Variants in DNAI4 observed in about 807,000 individuals in gnomAD.
DNAI4 encodes dynein axonemal intermediate chain 4.
In DNAI4, 85 loss-of-function variants were observed where a neutral mutation model predicts 105.8. That is an observed-to-expected ratio of 0.80 (90% CI 0.67 to 0.96). The LOEUF (loss-of-function observed/expected upper bound fraction) is 0.96. Among genes scored for constraint, DNAI4 ranks in the 40% least tolerant of loss-of-function variants. The pLI, the probability that DNAI4 is intolerant of heterozygous loss-of-function variation, is 0.00. For synonymous variants in DNAI4, 352 were observed against 331.5 expected (o/e 1.06, Z -0.67); for missense variants, 1,014 against 1,005.6 (o/e 1.01, Z -0.11).
intron 1 of DNAI4, among the ~76,000 whole-genome samples, chr1:66,913,814 C>T (rs1649847380): frequency 6.6e-6 from 1 of 151,962 alleles, no homozygotes; most frequent in South Asian, 2.1e-4. Flanking sequence ...AACCCCATCT[C>T]TACTAAAAAT....
chr1:66,822,933 GT>G (rs1645663685), intron 15 of DNAI4, among the ~76,000 whole-genome samples: 1 of 151,794 alleles, frequency 6.6e-6, no homozygotes, highest in Non-Finnish European at 1.5e-5. Flanking sequence ...TATATTTTAA[GT>G]TTTAGGGTAC....
At chr1:66,872,285 G>A (rs1478050348) in intron 5 of DNAI4, among the ~76,000 whole-genome samples, 1 of 151,816 alleles carries the variant, frequency 6.6e-6, no homozygotes, top group Admixed American at 6.6e-5. Context: ...CTGGAGTGCA[G>A]TGGCGTGACC....
At chr1:66,835,521 C>T (rs1473763310) in intron 11 of DNAI4, 105 bp downstream of exon 11, 1 of 1,169,824 alleles carries the variant, frequency 8.5e-7, no homozygotes, top group African/African-American at 1.5e-5. Flanking sequence ...ATAATGGTAT[C>T]ACTCTCAGTA....
At chr1:66,894,552 TA>T (rs987065125) in intron 2 of DNAI4, among the ~76,000 whole-genome samples, 2 of 151,940 alleles carry the variant, frequency 1.3e-5, no homozygotes, top group South Asian at 2.1e-4. Flanking sequence ...GACATCTCCT[TA>T]AAAAAAACAT....
chr1:66,865,081 A>T (rs1646704565), intron 6 of DNAI4, among the ~76,000 whole-genome samples: 1 of 152,200 alleles, frequency 6.6e-6, no homozygotes, highest in Non-Finnish European at 1.5e-5. Context: ...GTTTTTAAAT[A>T]ATGAAAGTTT....
At chr1:66,873,152 TCTTCTC>T (rs1367630545) in intron 5 of DNAI4, among the ~76,000 whole-genome samples, 8 of 151,802 alleles carry the variant, frequency 5.3e-5, no homozygotes, top group Non-Finnish European at 7.4e-5. Flanking sequence ...CTGAGGGAAT[TCTTCTC>T]CTTCTCCTTC....
intron 1 of DNAI4, among the ~76,000 whole-genome samples, chr1:66,923,712 G>A (rs1232589158): frequency 6.6e-6 from 1 of 152,174 alleles, no homozygotes; most frequent in Non-Finnish European, 1.5e-5. Flanking sequence ...GAGAATGCAA[G>A]GTTCTCTCCC....
chr1:66,840,855 T>C (rs890719899), intron 8 of DNAI4, among the ~76,000 whole-genome samples, 184 bp from the exon 9 acceptor site: 13 of 152,220 alleles, frequency 8.5e-5, no homozygotes, highest in Non-Finnish European at 1.9e-4. Context: ...CTTCTGCTGT[T>C]CTGGGTTCCA....
chr1:66,845,986 T>C (rs757423500), intron 8 of DNAI4, among the ~76,000 whole-genome samples: 5 of 152,140 alleles, frequency 3.3e-5, no homozygotes, highest in Admixed American at 6.6e-5. Context: ...CAAAATGTAT[T>C]TTTATATACA....
Position 66,813,460 on chromosome 1 carries a change from C to T in DNAI4, c.*670G>A, listed in dbSNP as rs1465160314. 2.6e-5 allele frequency: 4 copies of T among 152,272 alleles called. No homozygotes were observed. Among genetic ancestry groups the T allele is most frequent in the African/African-American group, 9.7e-5 (4 of 41,420 alleles). The allele number at this position is 152,272 out of a possible 1,614,324, so 9.4% of individuals were successfully genotyped here. On this transcript the variant is annotated 3_prime_UTR_variant, in exon 17 of 17. Coordinates refer to ENST00000371026, the MANE Select transcript of DNAI4 (RefSeq NM_024763.5). Reference sequence around the variant, plus strand: ...GTCCACTGAAGTCTGGGCTTAAAATCCAGAGCTGATTCTGGGCAAACAGAG... The same window carrying T: ...GTCCACTGAAGTCTGGGCTTAAAATTCAGAGCTGATTCTGGGCAAACAGAG...
At chr1:66,924,564 T>C (rs1376964056) in intron 1 of DNAI4, 98 bp downstream of exon 1, 7 of 1,539,320 alleles carry the variant, frequency 4.5e-6, no homozygotes, top group African/African-American at 1.4e-5. Flanking sequence ...CCAGTTAGGG[T>C]AGGGCCCCTT....
At position 66,860,198 on chromosome 1, in the gene DNAI4, T is replaced by C. The variant is rs532117051; in HGVS notation, c.1096+1949A>G. On this transcript the variant is annotated intron_variant, in intron 7 of 16. Transcript: ENST00000371026. Reference sequence around the variant, plus strand: ...TACAGCACTATTTCAGAATAAAAAATAATTTTTCTCTATCAACTGAGATAT... The same window carrying C: ...TACAGCACTATTTCAGAATAAAAAACAATTTTTCTCTATCAACTGAGATAT... Among the ~76,000 whole-genome samples the C allele has an allele frequency of 2.0e-5, 3 of 152,206 alleles. No individual in the cohort carries two copies. In the South Asian group the frequency reaches 6.2e-4, roughly 32 times the overall value.
At chr1:66,869,073 A>AAAATAAAT (rs547848121) in intron 6 of DNAI4, among the ~76,000 whole-genome samples, 6,287 of 148,670 alleles carry the variant, frequency 0.042, 160 homozygotes, top group Middle Eastern at 0.069. Context: ...ACTCTGTCTC[A>AAAATAAAT]AAATAAATAA....
At chr1:66,898,808 C>T (rs1410532613) in intron 2 of DNAI4, among the ~76,000 whole-genome samples, 2 of 152,154 alleles carry the variant, frequency 1.3e-5, no homozygotes, top group Non-Finnish European at 2.9e-5. Context: ...CCTACGCCAC[C>T]ACTAGTATCT....
chr1:66,924,707 A>C lies in DNAI4; in HGVS notation c.125T>G (p.Met42Arg). ...WCTTPQLVAT[M>R]PVSPAGSHKQ... ...GTGACTGCCTGCCGGAGAGACTGGC[A>C]TGGTGGCGACCAGCTGGGGAGTGGT... Residue 42 changes from methionine to arginine, a missense_variant, in exon 1 of 17, where the codon ATG becomes AGG. By Grantham distance (91) the Met-to-Arg change is moderately conservative. Coordinates refer to ENST00000371026, the MANE Select transcript of DNAI4 (RefSeq NM_024763.5). The C allele has an allele frequency of 1.4e-5, 22 of 1,614,220 alleles. No individual in the cohort carries two copies. The Middle Eastern group carries it at 4.9e-4, about 36-fold the overall frequency.
intron 7 of DNAI4, among the ~76,000 whole-genome samples, chr1:66,850,825 A>G (rs1310001390): frequency 6.6e-6 from 1 of 151,962 alleles, no homozygotes; most frequent in Non-Finnish European, 1.5e-5. Context: ...TGTAAATTAA[A>G]TAATAAAAAA....
At position 66,827,794 on chromosome 1, in the gene DNAI4, T is replaced by G. The variant is rs768035958; in HGVS notation, c.2112+18A>C. 2.1e-6 allele frequency: 3 copies of G among 1,402,756 alleles called. No individual in the cohort carries two copies. Among genetic ancestry groups the G allele is most frequent in the Admixed American group, 2.1e-5 (1 of 47,488 alleles). The allele number at this position is 1,402,756 out of a possible 1,614,324, so 86.9% of individuals were successfully genotyped here. A position where few individuals can be genotyped will look rare whatever the true frequency, so the allele number is the denominator to read the frequency against. On this transcript the variant is annotated intron_variant, in intron 14 of 16. Transcript: ENST00000371026. Reference sequence around the variant, plus strand: ...GAAATACAAAATAAATGTTCCAACCTACTATAATTAAACTAACCTTATGTC... The same window carrying G: ...GAAATACAAAATAAATGTTCCAACCGACTATAATTAAACTAACCTTATGTC...
rs1424685334 is a variant in DNAI4 at position 66,890,799 on chromosome 1, G to C, written c.643+355C>G. The C allele has an allele frequency of 6.8e-6, 2 of 293,200 alleles. No homozygotes were observed. Among genetic ancestry groups the C allele is most frequent in the Non-Finnish European group, 1.3e-5 (2 of 155,966 alleles). The allele number at this position is 293,200 out of a possible 1,614,324, so 18.2% of individuals were successfully genotyped here. A position where few individuals can be genotyped will look rare whatever the true frequency, so the allele number is the denominator to read the frequency against. ...GAGGAAGAGGAGGAAGAAGAAGTGA[G>C]GAAGAAGAGGAAAAGAAGAGGAAAA... On this transcript the variant is annotated intron_variant, in intron 4 of 16. Coordinates refer to ENST00000371026, the MANE Select transcript of DNAI4 (RefSeq NM_024763.5). This position sits in a 1 kb window ranked among gnomAD's most constrained non-coding sequence, Gnocchi z 4.1.
At chr1:66,846,406 A>G (rs544311573) in intron 8 of DNAI4, among the ~76,000 whole-genome samples, 1 of 152,306 alleles carries the variant, frequency 6.6e-6, no homozygotes, top group African/African-American at 2.4e-5. Context: ...TCATAAAGGA[A>G]GTTTCCTTAA....
Sources: gnomAD v4.1 joint callset for allele counts (sites outside exome capture counted in the v4.1 genomes callset) on GRCh38, gnomAD v4.1.1 for gene constraint, Gnocchi (gnomAD v3.1) non-coding constraint, MANE v1.5 for transcripts, NCBI Gene and HGNC (gene_info 2026-07-23, HGNC 2026-07-21) for gene names.